The following PCDHA7 variants were observed in gnomAD, a reference collection of about 807,000 sequenced individuals.
The protein encoded by PCDHA7 is protocadherin alpha 7.
A neutral mutation model predicts 57.2 loss-of-function variants in PCDHA7; 37 were observed. The ratio of observed to expected loss-of-function variants is 0.65; its 90% confidence interval spans 0.50 to 0.85. The LOEUF (loss-of-function observed/expected upper bound fraction) is 0.85. PCDHA7 is among the 40% of genes least tolerant of loss of function. The pLI is 0.00. For missense variants in PCDHA7, 1,188 were observed against 1,241.8 expected (o/e 0.96, Z 0.65); for synonymous variants, 553 against 558.8 (o/e 0.99, Z 0.15).
chr5:140,839,273 ACCTT>A (rs1255974388), intron 1 of PCDHA7, among the ~76,000 whole-genome samples: 6 of 152,020 alleles, frequency 3.9e-5, no homozygotes, highest in Admixed American at 3.3e-4. Flanking sequence ...TATATTTAAA[ACCTT>A]CCTAGCATAT....
At chr5:140,951,541 G>C (rs1029557427) in intron 1 of PCDHA7, among the ~76,000 whole-genome samples, 5 of 152,092 alleles carry the variant, frequency 3.3e-5, no homozygotes, top group African/African-American at 1.2e-4. Flanking sequence ...AGGAGCAAGG[G>C]ACGGGGGGAA....
chr5:140,861,098 T>C (rs1334214171), intron 1 of PCDHA7: 1 of 152,426 alleles, frequency 6.6e-6, no homozygotes, highest in Non-Finnish European at 1.5e-5. Context: ...ATTGTTCCTG[T>C]ACTTTAAAAA....
At chr5:140,867,456 T>G (rs1035822606) in intron 1 of PCDHA7, 8 of 152,272 alleles carry the variant, frequency 5.3e-5, no homozygotes, top group African/African-American at 1.9e-4. Context: ...AGAGTTCTAG[T>G]GTTATGACAA....
At chr5:140,975,304 G>A (rs1395392874) in intron 1 of PCDHA7, among the ~76,000 whole-genome samples, 2 of 152,200 alleles carry the variant, frequency 1.3e-5, no homozygotes, top group African/African-American at 2.4e-5. Context: ...AAGAGCTCAT[G>A]TGATTATGTC....
chr5:140,927,265 C>G lies in PCDHA7; in HGVS notation c.2356-51684C>G, dbSNP rs2084026948. The G allele has an allele frequency of 6.2e-7, 1 of 1,614,168 alleles. No individual in the cohort carries two copies. Among genetic ancestry groups the G allele is most frequent in the Non-Finnish European group, 8.5e-7 (1 of 1,180,038 alleles). On this transcript the variant is annotated intron_variant, in intron 1 of 3. Coordinates refer to ENST00000525929, the MANE Select transcript of PCDHA7 (RefSeq NM_018910.3). ...CACCAATGACAACTCACCTCTCTTTCCTGCCGGCGACGTGCAGCTGCACAT... is the reference window on the plus strand; with the variant it reads ...CACCAATGACAACTCACCTCTCTTTGCTGCCGGCGACGTGCAGCTGCACAT...
chr5:140,897,509 G>T (rs2153456975), intron 1 of PCDHA7, among the ~76,000 whole-genome samples: 1 of 152,062 alleles, frequency 6.6e-6, no homozygotes, highest in East Asian at 1.9e-4. Context: ...CCCTACAAAG[G>T]ACATGAACTC....
At chr5:140,961,558 A>T (rs1285175060) in intron 1 of PCDHA7, among the ~76,000 whole-genome samples, 1 of 151,976 alleles carries the variant, frequency 6.6e-6, no homozygotes, top group Admixed American at 6.6e-5. Context: ...TTCTTTTTTT[A>T]AATTTTGTTT....
chr5:140,858,459 TC>T, intron 1 of PCDHA7: 5 of 1,527,032 alleles, frequency 3.3e-6, no homozygotes, highest in Non-Finnish European at 4.4e-6. Context: ...GTTTTCATTT[TC>T]CTTTTGTGCT....
intron 1 of PCDHA7, among the ~76,000 whole-genome samples, chr5:140,894,258 G>T (rs2153446538): frequency 6.6e-6 from 1 of 151,918 alleles, no homozygotes; most frequent in South Asian, 2.1e-4. Flanking sequence ...TTCTTTACAA[G>T]TGGTAGCTTA....
Position 140,946,525 on chromosome 5 carries a change from A to G in PCDHA7, c.2356-32424A>G, listed in dbSNP as rs115610574. On this transcript the variant is annotated intron_variant, in intron 1 of 3. Transcript: ENST00000525929. ...ATGTCAAAGACCTATCCGCACTCCC[A>G]TGTTCATTGCAGCATTATTCATGAT... 6.9e-3 allele frequency among the ~76,000 whole-genome samples: 1,050 copies of G among 151,290 alleles called. 19 individuals carry two copies. The highest frequency in any genetic ancestry group is 0.024 in the African/African-American group (983 of 41,050).
At chr5:140,868,898 T>C (rs2050724806) in intron 1 of PCDHA7, 1 of 800,434 alleles carries the variant, frequency 1.2e-6, no homozygotes, top group African/African-American at 1.7e-5. Flanking sequence ...GCGCAAGGTG[T>C]CGCTCTTTAC....
rs2150240930 is a variant in PCDHA7 at position 140,835,656 on chromosome 5, G to A, written c.1273G>A (p.Val425Ile). The A allele has an allele frequency of 1.2e-4, 192 of 1,613,824 alleles. 3 individuals carry two copies. Among genetic ancestry groups the A allele is most frequent in the Non-Finnish European group, 1.5e-4 (179 of 1,179,886 alleles). The change falls in exon 1 of 4, where the codon GTT (valine) becomes ATT (isoleucine). Residue 425 changes from valine (V) to isoleucine (I), a missense_variant. Coordinates refer to ENST00000525929, the MANE Select transcript of PCDHA7 (RefSeq NM_018910.3). The stretch of plus-strand genomic sequence containing the variant: ...GAGTGTGTCCGCCTATGAGCTGGTG[G>A]TTACCGCGCGGGACGGGGGCTCGCC... ...RESVSAYELV[V>I]TARDGGSPSL...
At chr5:140,964,998 G>C (rs2095868277) in intron 1 of PCDHA7, among the ~76,000 whole-genome samples, 1 of 152,166 alleles carries the variant, frequency 6.6e-6, no homozygotes, top group Admixed American at 6.5e-5. Flanking sequence ...TTTGAATTCT[G>C]GGTGTCAGGA....
intron 1 of PCDHA7, chr5:140,876,877 C>T: frequency 6.2e-7 from 1 of 1,614,138 alleles, no homozygotes; most frequent in Non-Finnish European, 8.5e-7. Context: ...GGAGAACAAC[C>T]CGCCGGGCTG....
intron 3 of PCDHA7, among the ~76,000 whole-genome samples, chr5:140,992,217 C>T (rs1281643880): frequency 6.6e-6 from 1 of 152,088 alleles, no homozygotes; most frequent in Non-Finnish European, 1.5e-5. Flanking sequence ...AACTACTCTC[C>T]CTTCCTGGGA....
intron 2 of PCDHA7, among the ~76,000 whole-genome samples, chr5:140,981,681 C>T (rs1187108666): frequency 6.6e-6 from 1 of 152,064 alleles, no homozygotes; most frequent in Non-Finnish European, 1.5e-5. Context: ...TTCCTTCCTC[C>T]CTTCCATCAT....
intron 1 of PCDHA7, chr5:140,864,741 C>T (rs1031120106): frequency 1.1e-4 from 17 of 151,978 alleles, no homozygotes; most frequent in Admixed American, 3.3e-4. Flanking sequence ...CTTTGAGCAC[C>T]GATTATACTC....
rs2150257365 is a variant in PCDHA7 at position 140,836,309 on chromosome 5, AC to A, written c.1928del (p.Pro643ArgfsTer9). On this transcript the variant is annotated frameshift_variant, in exon 1 of 4. Transcript: ENST00000525929. LOFTEE classifies it high-confidence loss of function. ...CACGAGCCCTAGATGAGACGGACGC[AC>A]CGCGCCACCGCCTTCTGGTGCTTGT... ...TTRALDETDAPRHRLLVLVKD... is the reference protein window; with the variant it reads ...TTRALDETDAXRHRLLVLVKD... 6.2e-7 allele frequency: 1 copy of A among 1,613,652 alleles called. No homozygotes were observed. Among genetic ancestry groups the A allele is most frequent in the East Asian group, 2.2e-5 (1 of 44,840 alleles).
chr5:141,009,514 A>T (rs2098410382), intron 3 of PCDHA7, 113 bp from the exon 4 acceptor site: 5 of 1,501,204 alleles, frequency 3.3e-6, no homozygotes, highest in African/African-American at 1.4e-5. Context: ...ACAACTCGTG[A>T]TTTTTCTGGG....
Sources: allele counts gnomAD v4.1 joint callset (sites outside exome capture counted in the v4.1 genomes callset), GRCh38; gene constraint gnomAD v4.1.1; transcripts MANE v1.5; gene names NCBI Gene and HGNC (gene_info 2026-07-23, HGNC 2026-07-21).